The following TVP23A variants were observed in gnomAD, a reference collection of about 807,000 sequenced individuals.
TVP23A encodes the protein Golgi apparatus membrane protein TVP23 homolog A.
Under a neutral mutation model 31.7 loss-of-function variants are expected in TVP23A, and 21 were observed. That is an observed-to-expected ratio of 0.66 (90% CI 0.47 to 0.95). TVP23A has a LOEUF of 0.95. TVP23A is among the 40% of genes least tolerant of loss of function. The pLI is 0.00. For missense variants in TVP23A, 279 were observed against 255.6 expected (o/e 1.09, Z -0.62); for synonymous variants, 104 against 96.0 (o/e 1.08, Z -0.49).
intron 3 of TVP23A, 101 bp from the exon 4 acceptor site, chr16:10,774,229 T>A: frequency 4.8e-6 from 4 of 834,894 alleles, no homozygotes; most frequent in Non-Finnish European, 7.3e-6. Context: ...AGACTTGTAC[T>A]GGGAGCAGGA....
At chr16:10,797,827 G>A (rs1319984883) in intron 2 of TVP23A, among the ~76,000 whole-genome samples, 1 of 152,166 alleles carries the variant, frequency 6.6e-6, no homozygotes, top group African/African-American at 2.4e-5. Context: ...TGAAAAGCTG[G>A]GATAGAAATG....
chr16:10,761,834 C>T, downstream of TVP23A: 1 of 1,614,080 alleles, frequency 6.2e-7, no homozygotes, highest in Non-Finnish European at 8.5e-7. Context: ...CTCTCCTCGG[C>T]AGAGTGCCCC....
chr16:10,767,467 AGTGT>A lies in TVP23A; in HGVS notation c.*1631_*1634del, dbSNP rs1468126072. ...CCCATTCGTATTTTAGGTATATGAG[AGTGT>A]GTGTATGTGTGTGCGCACACATGCA... On this transcript the variant is annotated 3_prime_UTR_variant, in exon 8 of 8. Transcript: ENST00000299866. The surrounding 1 kb of genome is among the most constrained non-coding windows in gnomAD (Gnocchi z 4.6). 54 of 393,860 alleles carry A rather than the reference AGTGT, an allele frequency of 1.4e-4. No individual in the cohort carries two copies. In the East Asian group the frequency reaches 1.7e-3, roughly 13 times the overall value. The allele number at this position is 393,860 out of a possible 1,614,324, so 24.4% of individuals were successfully genotyped here.
intron 2 of TVP23A, among the ~76,000 whole-genome samples, chr16:10,792,754 C>A (rs1046293395): frequency 1.3e-5 from 2 of 152,242 alleles, no homozygotes; most frequent in Non-Finnish European, 2.9e-5. Context: ...CTCCATCATC[C>A]TTCTGAAACG....
intron 2 of TVP23A, among the ~76,000 whole-genome samples, chr16:10,806,187 A>G (rs2033935306): frequency 1.3e-5 from 2 of 152,168 alleles, no homozygotes; most frequent in Non-Finnish European, 2.9e-5. Context: ...TACTAAAAAT[A>G]CAAAATGTAG....
downstream of TVP23A, chr16:10,766,043 TAGGAACA>T (rs2030826275): frequency 6.6e-6 from 1 of 152,284 alleles, no homozygotes; most frequent in Non-Finnish European, 1.5e-5. This position sits in a 1 kb window ranked among gnomAD's most constrained non-coding sequence, Gnocchi z 4.8. Context: ...CCCACCTTCC[TAGGAACA>T]GACAGGAAGG....
Position 10,818,397 on chromosome 16 carries a change from CCCT to C in TVP23A, c.9+85_9+87del, listed in dbSNP as rs1319668291. The stretch of plus-strand genomic sequence containing the variant: ...AGCCCAGCCCCAGGCCCCGGCGCAT[CCCT>C]CCTCCTCCTCCCGGCTTCTCCAGCG... On this transcript the variant is annotated intron_variant, in intron 1 of 7. Coordinates refer to ENST00000299866, the MANE Select transcript of TVP23A (RefSeq NM_001079512.4). This position sits in a 1 kb window ranked among gnomAD's most constrained non-coding sequence, Gnocchi z 4.7. 2.7e-5 allele frequency: 41 copies of C among 1,543,212 alleles called. No homozygotes were observed. The highest frequency in any genetic ancestry group is 1.7e-4 in the Middle Eastern group (1 of 5,842).
At chr16:10,764,042 C>T (rs2030447312), downstream of TVP23A, among the ~76,000 whole-genome samples, 1 of 152,190 alleles carries the variant, frequency 6.6e-6, no homozygotes, top group South Asian at 2.1e-4. Context: ...ATGGGAGCAT[C>T]CCAGCCCAAA....
chr16:10,803,287 C>A (rs1411509358), intron 2 of TVP23A, among the ~76,000 whole-genome samples: 1 of 82,562 alleles, frequency 1.2e-5, no homozygotes, highest in Non-Finnish European at 2.3e-5. Context: ...GTGTGTGTGT[C>A]AGAGTCTGGG....
intron 2 of TVP23A, among the ~76,000 whole-genome samples, chr16:10,787,160 A>T (rs2032809919): frequency 1.3e-5 from 2 of 152,176 alleles, no homozygotes; most frequent in Admixed American, 1.3e-4. Context: ...CTCCTGCTCC[A>T]TGCTTGCTGG....
intron 2 of TVP23A, among the ~76,000 whole-genome samples, chr16:10,800,849 G>A (rs190506492): frequency 6.6e-6 from 1 of 152,120 alleles, no homozygotes; most frequent in African/African-American, 2.4e-5. Context: ...AACTTAGCCA[G>A]GCATGGTGGT....
Position 10,803,268 on chromosome 16 carries a change from T to C in TVP23A, c.89+14835A>G, listed in dbSNP as rs199795390. 7.3e-5 allele frequency among the ~76,000 whole-genome samples: 11 copies of C among 151,408 alleles called. No individual in the cohort carries two copies. The East Asian group carries it at 1.2e-3, about 16-fold the overall frequency. On this transcript the variant is annotated intron_variant, in intron 2 of 7. Coordinates refer to ENST00000299866, the MANE Select transcript of TVP23A (RefSeq NM_001079512.4). ...CACTGTGTGTGTGTGTGTGTGTGTG[T>C]GTGTGTGTGTGTGTGTGTCAGAGTC...
At position 10,790,279 on chromosome 16, in the gene TVP23A, A is replaced by ATTTT. The variant is rs376916439; in HGVS notation, c.90-15187_90-15184dup. Among the ~76,000 whole-genome samples the ATTTT allele has an allele frequency of 4.8e-4, 55 of 114,526 alleles. 1 individual carries two copies. Among genetic ancestry groups the ATTTT allele is most frequent in the Admixed American group, 7.2e-4 (7 of 9,692 alleles). 75.1% of individuals were successfully genotyped at this position (114,526 alleles called of 152,430 possible). A position where few individuals can be genotyped will look rare whatever the true frequency, so the allele number is the denominator to read the frequency against. ...ACAAAGAAACATGTCTTGGGGTAAA[A>ATTTT]TTTTTTTTTTTTTTTTTTTTTTTGA... On this transcript the variant is annotated intron_variant, in intron 2 of 7. Coordinates refer to ENST00000299866, the MANE Select transcript of TVP23A (RefSeq NM_001079512.4).
chr16:10,808,014 A>C (rs984055220), intron 2 of TVP23A, among the ~76,000 whole-genome samples: 1 of 152,158 alleles, frequency 6.6e-6, no homozygotes, highest in Non-Finnish European at 1.5e-5. Flanking sequence ...TGTCAGGCTC[A>C]AATCCCTTCC....
chr16:10,800,030 T>TTTC (rs1407349321), intron 2 of TVP23A, among the ~76,000 whole-genome samples: 3,916 of 137,538 alleles, frequency 0.028, 105 homozygotes, highest in Middle Eastern at 0.041. Flanking sequence ...TTTTTTTTTT[T>TTTC]TCGCACTGGC....
intron 2 of TVP23A, among the ~76,000 whole-genome samples, chr16:10,800,637 G>T (rs1341139489): frequency 6.6e-6 from 1 of 152,102 alleles, no homozygotes; most frequent in Non-Finnish European, 1.5e-5. Flanking sequence ...CCTGTGGGAG[G>T]CTCTTTAGTT....
intron 2 of TVP23A, among the ~76,000 whole-genome samples, chr16:10,797,186 AG>A (rs1049134062): frequency 1.3e-5 from 2 of 150,740 alleles, no homozygotes; most frequent in African/African-American, 4.9e-5. Context: ...AAGACCCTGT[AG>A]AAAAAAAAAA....
intron 2 of TVP23A, among the ~76,000 whole-genome samples, chr16:10,795,237 G>A (rs1221964365): frequency 6.7e-6 from 1 of 149,386 alleles, no homozygotes; most frequent in Non-Finnish European, 1.5e-5. Flanking sequence ...CTGCATCCAT[G>A]AGTTTATATG....
At chr16:10,759,455 A>G (rs1383199728), downstream of TVP23A, among the ~76,000 whole-genome samples, 1 of 152,326 alleles carries the variant, frequency 6.6e-6, no homozygotes, top group East Asian at 1.9e-4. This position sits in a 1 kb window ranked among gnomAD's most constrained non-coding sequence, Gnocchi z 4.7. Flanking sequence ...ATTTGTCCTT[A>G]GGAATGTTTT....
Sources: allele counts gnomAD v4.1 joint callset (sites outside exome capture counted in the v4.1 genomes callset), GRCh38; gene constraint gnomAD v4.1.1; non-coding constraint Gnocchi (gnomAD v3.1); transcripts MANE v1.5; gene names NCBI Gene and HGNC (gene_info 2026-07-23, HGNC 2026-07-21).